Variants in EPG5 observed in about 807,000 individuals in gnomAD.
EPG5 encodes the protein ectopic P granules protein 5 homolog.
A neutral mutation model predicts 302.7 loss-of-function variants in EPG5; 159 were observed. The observed-to-expected ratio is 0.53, with a 90% CI of 0.46 to 0.60. The LOEUF (loss-of-function observed/expected upper bound fraction) is 0.60. Ranked by LOEUF, EPG5 falls within the 20% of genes least tolerant of loss-of-function variation. The probability of loss-of-function intolerance (pLI) is 0.00; values close to 1 mark genes in which losing one functional copy is unlikely to be tolerated. For missense variants in EPG5, 2,896 were observed against 3,092.4 expected (o/e 0.94, Z 1.51); for synonymous variants, 1,158 against 1,136.8 (o/e 1.02, Z -0.37).
chr18:45,877,473 T>G (rs902557093), intron 34 of EPG5, among the ~76,000 whole-genome samples: 1 of 152,042 alleles, frequency 6.6e-6, no homozygotes, highest in Non-Finnish European at 1.5e-5. Flanking sequence ...AATATCCAAA[T>G]AGGTTCCGTT....
rs2050379301 is a variant in EPG5, at chr18:45,930,685, C to T, written c.2403G>A (p.Glu801=). 3 of 1,591,104 alleles carry T rather than the reference C, an allele frequency of 1.9e-6. No homozygotes were observed. Among genetic ancestry groups the T allele is most frequent in the Non-Finnish European group, 1.7e-6 (2 of 1,173,034 alleles). The change falls in exon 12 of 44, where the codon GAG becomes GAA. Residue 801 remains glutamate, a synonymous_variant. Coordinates refer to ENST00000282041, the MANE Select transcript of EPG5 (RefSeq NM_020964.3). ...DEDFIKIIVL[E]IYEVSYVTLS... is the part of the protein sequence containing the mutation. ...AACTTCATATTCTAACCTCATATAT[C>T]TCCAGAACAATAATTTTTATGAAGT... is the stretch of plus-strand genomic sequence containing the variant.
chr18:45,905,931 C>T (rs940165677), intron 24 of EPG5, among the ~76,000 whole-genome samples: 5 of 152,278 alleles, frequency 3.3e-5, no homozygotes, highest in African/African-American at 9.6e-5. Context: ...TGTCAGGACA[C>T]CATGGTCTCA....
intron 25 of EPG5, among the ~76,000 whole-genome samples, chr18:45,901,886 T>C (rs1213098637): frequency 6.6e-6 from 1 of 152,144 alleles, no homozygotes; most frequent in Non-Finnish European, 1.5e-5. Flanking sequence ...ACTTCTAGAC[T>C]TAGTACAGAG....
the EPG5 span, chr18:45,825,607 C>T: frequency 2.1e-6 from 2 of 973,080 alleles, no homozygotes; most frequent in Non-Finnish European, 1.6e-6. Flanking sequence ...CCACAGGGAC[C>T]TGCAGATCTG....
At chr18:45,929,842 G>C (rs1314715915) in intron 12 of EPG5, among the ~76,000 whole-genome samples, 1 of 152,198 alleles carries the variant, frequency 6.6e-6, no homozygotes, top group Non-Finnish European at 1.5e-5. Context: ...GCTGAATCAA[G>C]TATTTGATCC....
intron 41 of EPG5, 67 bp downstream of exon 41, chr18:45,858,499 T>G (rs1290574199): frequency 2.4e-6 from 3 of 1,249,500 alleles, no homozygotes; most frequent in Non-Finnish European, 2.3e-6. Context: ...AAAGCTAGAC[T>G]TAAGCTCTAA....
intron 38 of EPG5, among the ~76,000 whole-genome samples, chr18:45,866,233 C>G (rs948753099): frequency 1.3e-5 from 2 of 151,608 alleles, no homozygotes; most frequent in African/African-American, 4.9e-5. Flanking sequence ...GATTCTCCTA[C>G]CTCAGTCTCC....
chr18:45,838,808 C>G, the EPG5 span: 2 of 1,559,226 alleles, frequency 1.3e-6, no homozygotes, highest in Non-Finnish European at 1.7e-6. Context: ...CCGCCGCCCG[C>G]CCTCGCCTGG....
chr18:45,916,999 A>G (rs886789646), intron 17 of EPG5, among the ~76,000 whole-genome samples: 14 of 152,324 alleles, frequency 9.2e-5, no homozygotes, highest in African/African-American at 3.4e-4. Flanking sequence ...GACCTAACCC[A>G]TTTCTACTAA....
At chr18:45,838,585 T>C in the EPG5 span, 6 of 1,229,896 alleles carry the variant, frequency 4.9e-6, no homozygotes, top group South Asian at 3.2e-5. Context: ...CACATCTGTA[T>C]TGGGACGGGG....
At chr18:45,885,113 CG>C (rs982087588) in intron 29 of EPG5, among the ~76,000 whole-genome samples, 2 of 152,042 alleles carry the variant, frequency 1.3e-5, no homozygotes, top group African/African-American at 2.4e-5. Flanking sequence ...CCGAGGCAGG[CG>C]GATCACCTGA....
intron 16 of EPG5, among the ~76,000 whole-genome samples, chr18:45,920,538 A>G (rs935412781): frequency 6.6e-6 from 1 of 152,224 alleles, no homozygotes; most frequent in Non-Finnish European, 1.5e-5. Flanking sequence ...ATCTGGTGAG[A>G]GCCTCAGGCT....
At chr18:45,861,836 G>T (rs1021187718) in intron 39 of EPG5, among the ~76,000 whole-genome samples, 2 of 151,770 alleles carry the variant, frequency 1.3e-5, no homozygotes, top group African/African-American at 4.8e-5. Context: ...TTTCTTCCTT[G>T]TTTTATCTGG....
At chr18:45,860,891 G>A (rs2048620627) in intron 39 of EPG5, among the ~76,000 whole-genome samples, 1 of 152,054 alleles carries the variant, frequency 6.6e-6, no homozygotes, top group South Asian at 2.1e-4. Context: ...TTTAAATAAG[G>A]AAAGTAAACC....
Position 45,858,732 on chromosome 18 carries a change from C to T in EPG5, c.7060G>A (p.Val2354Ile). The change falls in exon 41 of 44, where the codon GTT (valine) becomes ATT (isoleucine). Residue 2354 changes from valine to isoleucine, a missense_variant. Val to Ile is a conservative substitution (Grantham distance 29, BLOSUM62 3). This residue lies in a region of EPG5 where 620 missense variants were observed against 704.2 expected (regional missense o/e 0.88). Transcript: ENST00000282041. ...GWGPILVSLQ[V>I]PELTMEEFLQ... Reference sequence around the variant, plus strand: ...AACTCTTCCATGGTGAGCTCGGGAACCTGAAGGGATACCAGAATGGGTCCC... The same window carrying T: ...AACTCTTCCATGGTGAGCTCGGGAATCTGAAGGGATACCAGAATGGGTCCC... The T allele has an allele frequency of 6.2e-7, 1 of 1,614,122 alleles. No homozygotes were observed. The highest frequency in any genetic ancestry group is 8.5e-7 in the Non-Finnish European group (1 of 1,180,032).
intron 3 of EPG5, 105 bp downstream of exon 3, chr18:45,952,295 G>C (rs1222765459): frequency 7.3e-7 from 1 of 1,366,796 alleles, no homozygotes; most frequent in Non-Finnish European, 9.9e-7. Flanking sequence ...AAGCACAAAT[G>C]GTACCTTGTA....
chr18:45,825,413 G>A, the EPG5 span: 2 of 473,418 alleles, frequency 4.2e-6, no homozygotes, highest in African/African-American at 3.8e-5. Flanking sequence ...TTTTCTGTGA[G>A]GGGATGGCAG....
At chr18:45,878,529 C>T in intron 33 of EPG5, 81 bp from the exon 34 acceptor site, 1 of 864,252 alleles carries the variant, frequency 1.2e-6, no homozygotes, top group Non-Finnish European at 1.9e-6. Context: ...GAAAAATCTA[C>T]CTCTTATTAT....
chr18:45,951,461 A>ATT (rs11367037), intron 3 of EPG5, among the ~76,000 whole-genome samples: 1 of 144,920 alleles, frequency 6.9e-6, no homozygotes. Context: ...CCTCATCATA[A>ATT]TTTTTTTTTT....
Sources: allele counts gnomAD v4.1 joint callset (sites outside exome capture counted in the v4.1 genomes callset), GRCh38; gene constraint gnomAD v4.1.1; regional missense constraint gnomAD v4.1.1; transcripts MANE v1.5; gene names NCBI Gene and HGNC (gene_info 2026-07-23, HGNC 2026-07-21).